Variants in MIPOL1 observed in about 807,000 individuals in gnomAD.
MIPOL1 encodes mirror-image polydactyly gene 1 protein.
MIPOL1 carries 57 observed loss-of-function variants against 60.9 expected under a neutral mutation model. That is an observed-to-expected ratio of 0.94 (90% CI 0.76 to 1.17). MIPOL1 has a LOEUF of 1.17. Among genes scored for constraint, MIPOL1 ranks in the 50% most tolerant of loss-of-function variants. The pLI is 0.00. For missense variants in MIPOL1, 551 were observed against 511.6 expected, an observed-to-expected ratio of 1.08 and a Z score of -0.74; for synonymous variants, 179 against 168.8, an observed-to-expected ratio of 1.06 and a Z score of -0.47.
At chr14:37,503,753 A>G (rs2153615900) in intron 12 of MIPOL1, 1 of 152,328 alleles carries the variant, frequency 6.6e-6, no homozygotes, top group Non-Finnish European at 1.5e-5. Flanking sequence ...TTCACTCATA[A>G]CAATATTAAC....
chr14:37,494,049 A>G (rs2095082994), intron 11 of MIPOL1, among the ~76,000 whole-genome samples: 1 of 152,212 alleles, frequency 6.6e-6, no homozygotes, highest in African/African-American at 2.4e-5. Context: ...AGGAAAGACC[A>G]TTCTGAGGAA....
chr14:37,488,381 A>G (rs1396759342), intron 11 of MIPOL1, among the ~76,000 whole-genome samples: 1 of 152,042 alleles, frequency 6.6e-6, no homozygotes, highest in African/African-American at 2.4e-5. Flanking sequence ...TGTTCTTATT[A>G]ATTTTCTGTC....
intron 3 of MIPOL1, among the ~76,000 whole-genome samples, chr14:37,264,424 G>C (rs1440252357): frequency 1.3e-5 from 2 of 151,532 alleles, no homozygotes; most frequent in Non-Finnish European, 2.9e-5. Context: ...CCAGGAGTTT[G>C]AGACCAGCCT....
intron 9 of MIPOL1, among the ~76,000 whole-genome samples, chr14:37,328,831 T>C (rs1004740773): frequency 1.7e-4 from 26 of 152,050 alleles, no homozygotes; most frequent in African/African-American, 6.0e-4. Flanking sequence ...GAAGTAACAG[T>C]GTGTGAGAGA....
At position 37,500,117 on chromosome 14, in the gene MIPOL1, T is replaced by C; in HGVS notation, c.1241T>C (p.Val414Ala). 6.2e-7 allele frequency: 1 copy of C among 1,606,660 alleles called. No individual in the cohort carries two copies. Among genetic ancestry groups the C allele is most frequent in the Non-Finnish European group, 8.5e-7 (1 of 1,176,816 alleles). ...CAACATGCCAGAGAGGCCTCCCAAG[T>C]GGCCAATGAAAAAGTTCAAAAGTAA... ...QLQHAREASQ[V>A]ANEKVQKLER... Residue 414 changes from valine (V) to alanine (A), a missense_variant, in exon 12 of 13, where the codon GTG (valine) becomes GCG (alanine). Coordinates refer to ENST00000684589, the MANE Select transcript of MIPOL1 (RefSeq NM_001388067.1).
chr14:37,305,038 A>G (rs552315731), intron 7 of MIPOL1, among the ~76,000 whole-genome samples: 2 of 151,752 alleles, frequency 1.3e-5, no homozygotes, highest in African/African-American at 2.4e-5. Flanking sequence ...TGTACATACC[A>G]CTAGTAAACC....
At chr14:37,486,873 G>A (rs183432692) in intron 11 of MIPOL1, among the ~76,000 whole-genome samples, 68 of 152,138 alleles carry the variant, frequency 4.5e-4, no homozygotes, top group Admixed American at 2.7e-3. Flanking sequence ...ATAATATGTT[G>A]AATGGGAGTG....
chr14:37,334,999 G>A (rs969955815), intron 9 of MIPOL1, among the ~76,000 whole-genome samples: 8 of 151,962 alleles, frequency 5.3e-5, no homozygotes, highest in Non-Finnish European at 1.5e-5. Flanking sequence ...TTTTGTGGGA[G>A]CATATTTTTC....
chr14:37,428,969 C>T (rs1213293398), intron 11 of MIPOL1, among the ~76,000 whole-genome samples: 1 of 152,082 alleles, frequency 6.6e-6, no homozygotes, highest in Non-Finnish European at 1.5e-5. Flanking sequence ...ACTAACAATA[C>T]AAAGATTTAA....
At chr14:37,232,231 T>C (rs1446604396) in intron 1 of MIPOL1, among the ~76,000 whole-genome samples, 3 of 152,090 alleles carry the variant, frequency 2.0e-5, no homozygotes, top group African/African-American at 7.2e-5. Context: ...ACCTAGAAAA[T>C]AGAAGTTATA....
chr14:37,477,704 C>T (rs916055211), intron 11 of MIPOL1, among the ~76,000 whole-genome samples: 5 of 152,174 alleles, frequency 3.3e-5, no homozygotes, highest in Admixed American at 1.3e-4. Flanking sequence ...TATTCAGCAT[C>T]CTCAAGAGAA....
intron 3 of MIPOL1, among the ~76,000 whole-genome samples, chr14:37,255,930 A>G (rs1467327732): frequency 6.6e-6 from 1 of 151,864 alleles, no homozygotes; most frequent in East Asian, 1.9e-4. Context: ...ATGGGTGAAC[A>G]ATACAAACTG....
chr14:37,267,342 G>C (rs1185322885), intron 4 of MIPOL1, among the ~76,000 whole-genome samples, 173 bp downstream of exon 4: 1 of 152,082 alleles, frequency 6.6e-6, no homozygotes, highest in Non-Finnish European at 1.5e-5. Flanking sequence ...ACAAAAATCA[G>C]CCAGGTGTGG....
At chr14:37,394,704 C>G (rs2093337841) in intron 10 of MIPOL1, among the ~76,000 whole-genome samples, 1 of 152,034 alleles carries the variant, frequency 6.6e-6, no homozygotes, top group Admixed American at 6.6e-5. Context: ...TTTTCTCCCA[C>G]TTGGTGTGTT....
rs2087954685 is a variant in MIPOL1 at position 37,316,776 on chromosome 14, AGGCCAGCCT to A, written c.828+8263_828+8271del. The stretch of plus-strand genomic sequence containing the variant: ...TGGATGACCTGAATTCCGGAGTTTG[AGGCCAGCCT>A]GGCCAACATGGTGAAACCTTGTCTC... On this transcript the variant is annotated intron_variant, in intron 9 of 12. Transcript: ENST00000684589. Among the ~76,000 whole-genome samples, 3 of 152,206 alleles carry A rather than the reference AGGCCAGCCT, an allele frequency of 2.0e-5. No individual in the cohort carries two copies. The South Asian group carries it at 6.2e-4, about 32-fold the overall frequency.
Position 37,548,966 on chromosome 14 carries a change from A to C in MIPOL1, c.*1995A>C, listed in dbSNP as rs1347514216. ...ATTGTTCAGTATAGGTAATCTCCCA[A>C]AAATATCACATCCTCTTGAAAATGA... On this transcript the variant is annotated 3_prime_UTR_variant, in exon 13 of 13. Coordinates refer to ENST00000684589, the MANE Select transcript of MIPOL1 (RefSeq NM_001388067.1). 6.6e-6 allele frequency: 1 copy of C among 151,992 alleles called. No homozygotes were observed. Among genetic ancestry groups the C allele is most frequent in the Non-Finnish European group, 1.5e-5 (1 of 67,846 alleles). The allele number at this position is 151,992 out of a possible 1,614,324, so 9.4% of individuals were successfully genotyped here.
intron 1 of MIPOL1, among the ~76,000 whole-genome samples, chr14:37,222,495 C>G (rs907873113): frequency 6.6e-6 from 1 of 151,076 alleles, no homozygotes; most frequent in African/African-American, 2.4e-5. Context: ...GAAATTTCTT[C>G]TGCCAGATAT....
intron 10 of MIPOL1, among the ~76,000 whole-genome samples, chr14:37,393,673 T>TTTTA (rs1201521534): frequency 6.6e-6 from 1 of 151,884 alleles, no homozygotes; most frequent in Non-Finnish European, 1.5e-5. Flanking sequence ...CAGGCCAACC[T>TTTTA]TTTATTTATT....
chr14:37,469,243 G>A (rs900416603), intron 11 of MIPOL1, among the ~76,000 whole-genome samples: 5 of 152,144 alleles, frequency 3.3e-5, no homozygotes, highest in Non-Finnish European at 7.3e-5. Context: ...CTTCTGGAGA[G>A]GCAACAGGAA....
Sources: allele counts gnomAD v4.1 joint callset (sites outside exome capture counted in the v4.1 genomes callset), GRCh38; gene constraint gnomAD v4.1.1; transcripts MANE v1.5; gene names NCBI Gene and HGNC (gene_info 2026-07-23, HGNC 2026-07-21).